The following CPVL variants were observed in gnomAD, a reference collection of about 807,000 sequenced individuals.
CPVL encodes the protein carboxypeptidase vitellogenic like, also known as probable serine carboxypeptidase CPVL.
A neutral mutation model predicts 63.7 loss-of-function variants in CPVL; 51 were observed. That is an observed-to-expected ratio of 0.80 (90% CI 0.64 to 1.01). The LOEUF is 1.01. Ranked by LOEUF, CPVL falls within the 50% of genes least tolerant of loss-of-function variation. The pLI, the probability that CPVL is intolerant of heterozygous loss-of-function variation, is 0.00. For missense variants in CPVL, 530 were observed against 573.1 expected (o/e 0.92, Z 0.77); for synonymous variants, 195 against 206.0 (o/e 0.95, Z 0.46).
chr7:29,140,159 G>A (rs1791713181), intron 1 of CPVL, among the ~76,000 whole-genome samples: 1 of 152,144 alleles, frequency 6.6e-6, no homozygotes, highest in African/African-American at 2.4e-5. Context: ...GCAGGCCTCG[G>A]CTGGACACAG....
At chr7:29,058,187 G>C (rs1275588542) in intron 11 of CPVL, among the ~76,000 whole-genome samples, 1 of 151,992 alleles carries the variant, frequency 6.6e-6, no homozygotes, top group Non-Finnish European at 1.5e-5. Context: ...AGTTGTTCTT[G>C]ATGTCTTTTA....
At chr7:29,108,711 T>G (rs951272311) in intron 3 of CPVL, among the ~76,000 whole-genome samples, 1 of 152,240 alleles carries the variant, frequency 6.6e-6, no homozygotes, top group Non-Finnish European at 1.5e-5. Flanking sequence ...CTCTTCTGTC[T>G]CAAAACCATT....
intron 11 of CPVL, among the ~76,000 whole-genome samples, chr7:29,057,152 G>C (rs1790824474): frequency 6.6e-6 from 1 of 151,852 alleles, no homozygotes; most frequent in Admixed American, 6.6e-5. Context: ...TGTAGAGACA[G>C]GGTCTCTCTA....
chr7:29,042,935 T>G (rs995562275), intron 11 of CPVL, among the ~76,000 whole-genome samples: 5 of 152,224 alleles, frequency 3.3e-5, no homozygotes, highest in African/African-American at 4.8e-5. Flanking sequence ...CAGCCCTCCT[T>G]GGATTCTGGC....
intron 2 of CPVL, 29 bp from the exon 3 acceptor site, chr7:29,112,851 G>A (rs766122102): frequency 2.1e-6 from 3 of 1,459,906 alleles, no homozygotes; most frequent in Admixed American, 1.7e-5. Flanking sequence ...TTTACCCAAG[G>A]ATTACAGAAA....
At chr7:29,194,756 C>T (rs1783412065) in intron 1 of CPVL, 3 of 456,034 alleles carry the variant, frequency 6.6e-6, no homozygotes, top group Admixed American at 9.0e-5. Flanking sequence ...TAAATAGCGG[C>T]GGCGGCAGCG....
intron 12 of CPVL, among the ~76,000 whole-genome samples, chr7:29,015,330 T>C (rs573747866): frequency 2.0e-5 from 3 of 152,142 alleles, no homozygotes; most frequent in East Asian, 1.9e-4. Context: ...CCCACCCAAA[T>C]TGCTTGTCTA....
intron 11 of CPVL, among the ~76,000 whole-genome samples, chr7:29,034,319 C>G (rs950149595): frequency 6.6e-6 from 1 of 152,146 alleles, no homozygotes; most frequent in African/African-American, 2.4e-5. Flanking sequence ...GTTGCCCAGG[C>G]TGGTCTTGAA....
intron 3 of CPVL, among the ~76,000 whole-genome samples, chr7:29,112,202 C>T (rs998729044): frequency 5.3e-5 from 8 of 152,126 alleles, no homozygotes; most frequent in Non-Finnish European, 8.8e-5. Flanking sequence ...TCTGTGGCCC[C>T]CACAGAACAG....
At chr7:29,036,397 A>C (rs1788531839) in intron 11 of CPVL, among the ~76,000 whole-genome samples, 1 of 152,192 alleles carries the variant, frequency 6.6e-6, no homozygotes, top group African/African-American at 2.4e-5. Flanking sequence ...TCTGATAATG[A>C]TTGGAGAGAC....
At chr7:29,117,533 C>T (rs920756318) in intron 2 of CPVL, among the ~76,000 whole-genome samples, 5 of 152,194 alleles carry the variant, frequency 3.3e-5, no homozygotes, top group Admixed American at 3.3e-4. Context: ...TGGTTCATAT[C>T]ATGGGCTCTG....
intron 1 of CPVL, among the ~76,000 whole-genome samples, chr7:29,137,812 G>C (rs552954822): frequency 1.3e-5 from 2 of 152,040 alleles, no homozygotes; most frequent in East Asian, 3.9e-4. Context: ...TTGTTATGCA[G>C]CAATAGATAA....
chr7:29,060,210 A>G (rs546185066), intron 11 of CPVL, among the ~76,000 whole-genome samples: 1 of 152,314 alleles, frequency 6.6e-6, no homozygotes, highest in South Asian at 2.1e-4. Context: ...GCACTCTTCT[A>G]AGTGTGTTTA....
intron 11 of CPVL, among the ~76,000 whole-genome samples, chr7:29,031,103 A>G (rs878876780): frequency 6.6e-6 from 1 of 152,180 alleles, no homozygotes; most frequent in Non-Finnish European, 1.5e-5. Flanking sequence ...ACTACCCCCT[A>G]GGATTTTCAT....
chr7:29,075,998 G>T (rs1271889310), intron 7 of CPVL, among the ~76,000 whole-genome samples: 2 of 29,662 alleles, frequency 6.7e-5, no homozygotes, highest in African/African-American at 1.2e-4. Flanking sequence ...TATTCTTCTT[G>T]AATCATTTAT....
intron 1 of CPVL, among the ~76,000 whole-genome samples, chr7:29,134,158 C>A (rs892335965): frequency 6.6e-6 from 1 of 152,210 alleles, no homozygotes; most frequent in African/African-American, 2.4e-5. Flanking sequence ...CTTGAACACT[C>A]AGCAGAAAGA....
chr7:29,130,892 A>T (rs1250790287), intron 1 of CPVL, among the ~76,000 whole-genome samples: 1 of 152,254 alleles, frequency 6.6e-6, no homozygotes, highest in Non-Finnish European at 1.5e-5. Flanking sequence ...ACAGGTCCAC[A>T]GATTGCTTCA....
At chr7:29,191,697 A>C (rs933767810) in intron 1 of CPVL, 1 of 152,274 alleles carries the variant, frequency 6.6e-6, no homozygotes, top group Admixed American at 6.5e-5. Context: ...TTAAAATTCT[A>C]CTTTCCAAAC....
At chr7:29,010,045 T>C (rs1322278854) in intron 12 of CPVL, 1 of 152,120 alleles carries the variant, frequency 6.6e-6, no homozygotes, top group Non-Finnish European at 1.5e-5. Context: ...TGGCCCCATG[T>C]CTGAAAAACA....
Sources: allele counts gnomAD v4.1 joint callset (sites outside exome capture counted in the v4.1 genomes callset), GRCh38; gene constraint gnomAD v4.1.1; transcripts MANE v1.5; gene names NCBI Gene and HGNC (gene_info 2026-07-23, HGNC 2026-07-21).